Variants in ABTB3 observed in about 807,000 individuals in gnomAD.
ABTB3 encodes ankyrin repeat- and BTB/POZ domain-containing protein 3.
chr12:107,546,426 A>C, the ABTB3 span, among the ~76,000 whole-genome samples: 1 of 152,200 alleles, frequency 6.6e-6, no homozygotes, highest in African/African-American at 2.4e-5. Context: ...AGACTTGACT[A>C]GCACTCCTTC....
At chr12:107,482,984 CT>C in the ABTB3 span, among the ~76,000 whole-genome samples, 8 of 13,930 alleles carry the variant, frequency 5.7e-4, no homozygotes, top group Admixed American at 1.7e-3. Context: ...TTCTTTCTTT[CT>C]TTCCTTCCTT....
At chr12:107,655,274 T>TAC in the ABTB3 span, among the ~76,000 whole-genome samples, 150 of 151,230 alleles carry the variant, frequency 9.9e-4, no homozygotes, top group East Asian at 0.013. Context: ...TATATATATA[T>TAC]ACACCTACAA....
the ABTB3 span, among the ~76,000 whole-genome samples, chr12:107,642,800 G>A: frequency 6.7e-6 from 1 of 148,150 alleles, no homozygotes; most frequent in African/African-American, 2.5e-5. Flanking sequence ...AAGGCCAGAT[G>A]ACATGACCAT....
the ABTB3 span, among the ~76,000 whole-genome samples, chr12:107,334,861 A>G: frequency 1.3e-5 from 2 of 152,130 alleles, no homozygotes; most frequent in African/African-American, 4.8e-5. Context: ...TTAACAGAAG[A>G]TAGTGTGTCC....
chr12:107,644,972 C>CTTT, the ABTB3 span, among the ~76,000 whole-genome samples: 22 of 127,192 alleles, frequency 1.7e-4, no homozygotes, highest in African/African-American at 4.0e-4. Context: ...TCAAAATTCA[C>CTTT]TTTTTTTTTT....
the ABTB3 span, among the ~76,000 whole-genome samples, chr12:107,547,809 C>T: frequency 1.3e-5 from 2 of 152,224 alleles, no homozygotes; most frequent in Admixed American, 1.3e-4. Flanking sequence ...CAACCATCCT[C>T]ATGAGACTGA....
chr12:107,599,043 A>G, the ABTB3 span, among the ~76,000 whole-genome samples: 4 of 152,146 alleles, frequency 2.6e-5, no homozygotes, highest in Non-Finnish European at 4.4e-5. Context: ...CACAAGTTGA[A>G]CCCTGTCTGC....
chr12:107,631,754 G>A, the ABTB3 span, among the ~76,000 whole-genome samples: 1 of 152,184 alleles, frequency 6.6e-6, no homozygotes, highest in Non-Finnish European at 1.5e-5. Flanking sequence ...TTAGACTGGG[G>A]TTATGGATTT....
the ABTB3 span, among the ~76,000 whole-genome samples, chr12:107,387,521 G>A: frequency 6.6e-6 from 1 of 152,334 alleles, no homozygotes; most frequent in East Asian, 1.9e-4. Flanking sequence ...GTTCAGTGGG[G>A]AAGACAGATG....
chr12:107,399,238 A>G, the ABTB3 span, among the ~76,000 whole-genome samples: 1 of 152,176 alleles, frequency 6.6e-6, no homozygotes, highest in South Asian at 2.1e-4. Flanking sequence ...AGCGGTACCC[A>G]CTGAGCACAT....
chr12:107,579,046 A>G, the ABTB3 span, among the ~76,000 whole-genome samples: 1 of 152,320 alleles, frequency 6.6e-6, no homozygotes, highest in East Asian at 1.9e-4. Flanking sequence ...GGCAGCGGGT[A>G]AGGCCAGAGG....
chr12:107,418,941 A>AT, the ABTB3 span, among the ~76,000 whole-genome samples: 1 of 152,112 alleles, frequency 6.6e-6, no homozygotes, highest in Admixed American at 6.5e-5. Context: ...CTTCCCTAGG[A>AT]TTTTTTTCAA....
the ABTB3 span, among the ~76,000 whole-genome samples, chr12:107,406,802 A>G: frequency 6.6e-6 from 1 of 152,186 alleles, no homozygotes; most frequent in African/African-American, 2.4e-5. Context: ...TTGCTTTGAA[A>G]AAAAACAAAG....
At chr12:107,501,171 G>A in the ABTB3 span, among the ~76,000 whole-genome samples, 9 of 152,204 alleles carry the variant, frequency 5.9e-5, no homozygotes, top group Admixed American at 5.9e-4. Context: ...CATTAACATT[G>A]AATAGTGCTT....
chr12:107,435,766 T>C, the ABTB3 span, among the ~76,000 whole-genome samples: 1 of 152,216 alleles, frequency 6.6e-6, no homozygotes, highest in African/African-American at 2.4e-5. Flanking sequence ...TTCTTCCTTA[T>C]TACTTCCTTG....
At chr12:107,612,181 G>T in the ABTB3 span, among the ~76,000 whole-genome samples, 1 of 152,190 alleles carries the variant, frequency 6.6e-6, no homozygotes, top group Admixed American at 6.5e-5. Flanking sequence ...TCCTTCTGTT[G>T]GTTGAGATGC....
At chr12:107,463,800 CTT>C in the ABTB3 span, among the ~76,000 whole-genome samples, 584 of 152,346 alleles carry the variant, frequency 3.8e-3, 8 homozygotes, top group African/African-American at 0.012. Flanking sequence ...AGATAAACAA[CTT>C]TGCCTAATTC....
the ABTB3 span, among the ~76,000 whole-genome samples, chr12:107,477,386 G>A: frequency 1.6e-4 from 24 of 152,184 alleles, no homozygotes; most frequent in Non-Finnish European, 2.4e-4. Context: ...GGGAGGCCAC[G>A]TGGGTTCGCA....
the ABTB3 span, among the ~76,000 whole-genome samples, chr12:107,600,050 T>C: frequency 5.3e-5 from 8 of 152,204 alleles, no homozygotes; most frequent in Admixed American, 5.2e-4. Flanking sequence ...TGGGTTGAAA[T>C]TGAAGTCTAA....
Sources: allele counts gnomAD v4.1 joint callset (sites outside exome capture counted in the v4.1 genomes callset), GRCh38; gene constraint gnomAD v4.1.1; transcripts MANE v1.5; gene names NCBI Gene and HGNC (gene_info 2026-07-23, HGNC 2026-07-21).